Variants in THSD7B observed in about 807,000 individuals in gnomAD.
The protein encoded by THSD7B is thrombospondin type 1 domain containing 7B, also known as thrombospondin type-1 domain-containing protein 7B.
A neutral mutation model predicts 213.6 loss-of-function variants in THSD7B; 138 were observed. That is an observed-to-expected ratio of 0.65 (90% confidence interval 0.56 to 0.74). THSD7B has a LOEUF of 0.74. Ranked by LOEUF, THSD7B falls within the 30% of genes least tolerant of loss-of-function variation. The probability of loss-of-function intolerance (pLI) is 0.00; values close to 1 mark genes in which losing one functional copy is unlikely to be tolerated. For synonymous variants in THSD7B, 742 were observed against 687.0 expected (o/e 1.08, Z -1.25); for missense variants, 1,931 against 1,991.5 (o/e 0.97, Z 0.58).
At chr2:137,053,782 G>C (rs1687111103) in intron 2 of THSD7B, among the ~76,000 whole-genome samples, 1 of 151,982 alleles carries the variant, frequency 6.6e-6, no homozygotes, top group Non-Finnish European at 1.5e-5. Context: ...TAATCAAATA[G>C]AGATAAACTG....
At chr2:136,901,979 T>C (rs942547662) in intron 2 of THSD7B, among the ~76,000 whole-genome samples, 2 of 152,214 alleles carry the variant, frequency 1.3e-5, no homozygotes, top group African/African-American at 2.4e-5. Flanking sequence ...TGAAGGTATG[T>C]TGAAGCAGTG....
At chr2:136,823,666 G>A (rs1276889201) in intron 1 of THSD7B, among the ~76,000 whole-genome samples, 3 of 151,724 alleles carry the variant, frequency 2.0e-5, no homozygotes, top group Admixed American at 6.6e-5. Flanking sequence ...TTATTACTTG[G>A]GCAGCACTTT....
intron 7 of THSD7B, among the ~76,000 whole-genome samples, chr2:137,203,775 G>A (rs1680926186): frequency 6.6e-6 from 1 of 151,878 alleles, no homozygotes; most frequent in Non-Finnish European, 1.5e-5. Context: ...AGAATATTAT[G>A]CAGTGTATTT....
At chr2:137,378,377 A>G (rs1685706005) in intron 12 of THSD7B, among the ~76,000 whole-genome samples, 1 of 152,282 alleles carries the variant, frequency 6.6e-6, no homozygotes, top group South Asian at 2.1e-4. Flanking sequence ...CGTGTCCACT[A>G]TTTCTACTCA....
intron 4 of THSD7B, among the ~76,000 whole-genome samples, chr2:137,108,290 G>A (rs575563778): frequency 7.2e-4 from 109 of 152,290 alleles, no homozygotes; most frequent in Admixed American, 2.2e-3. Flanking sequence ...AAGTGATAAA[G>A]TTTAGATTTC....
intron 10 of THSD7B, among the ~76,000 whole-genome samples, chr2:137,269,167 C>A (rs542735014): frequency 3.2e-4 from 49 of 152,264 alleles, no homozygotes; most frequent in Admixed American, 3.2e-3. Context: ...ATACATTTTT[C>A]TTCGTTTATG....
intron 15 of THSD7B, among the ~76,000 whole-genome samples, chr2:137,478,318 A>T (rs1170567011): frequency 6.6e-6 from 1 of 152,180 alleles, no homozygotes; most frequent in African/African-American, 2.4e-5. Flanking sequence ...CTATCTTAAC[A>T]TTCTGAAATT....
intron 12 of THSD7B, among the ~76,000 whole-genome samples, chr2:137,340,082 G>A (rs1684726800): frequency 6.6e-6 from 1 of 151,664 alleles, no homozygotes; most frequent in Admixed American, 6.6e-5. Context: ...ATATCATTGT[G>A]ATTTATAGTC....
At chr2:137,037,623 G>A (rs1288419011) in intron 2 of THSD7B, among the ~76,000 whole-genome samples, 1 of 152,070 alleles carries the variant, frequency 6.6e-6, no homozygotes, top group African/African-American at 2.4e-5. Context: ...TGCAGAGGTG[G>A]AAATCACAGT....
chr2:137,497,810 T>C (rs1242427800), intron 15 of THSD7B, among the ~76,000 whole-genome samples: 1 of 152,200 alleles, frequency 6.6e-6, no homozygotes, highest in Non-Finnish European at 1.5e-5. Flanking sequence ...CTTCATTGGC[T>C]CACATTTTTA....
At chr2:136,887,471 G>C (rs60051617) in intron 2 of THSD7B, among the ~76,000 whole-genome samples, 3 of 152,164 alleles carry the variant, frequency 2.0e-5, no homozygotes, top group Admixed American at 2.0e-4. Flanking sequence ...TGGATCATGA[G>C]GGGGGATCCC....
chr2:137,593,887 A>C (rs1055699998), intron 17 of THSD7B, among the ~76,000 whole-genome samples: 6 of 151,950 alleles, frequency 3.9e-5, no homozygotes, highest in African/African-American at 1.4e-4. Context: ...TTCTTCTAAA[A>C]GTTCTATGAG....
intron 17 of THSD7B, among the ~76,000 whole-genome samples, chr2:137,588,693 A>G (rs1681797404): frequency 6.6e-6 from 1 of 151,912 alleles, no homozygotes; most frequent in Non-Finnish European, 1.5e-5. Context: ...TTATCACATA[A>G]TAATGTGTAT....
At chr2:137,054,397 G>C (rs1687122430) in intron 2 of THSD7B, among the ~76,000 whole-genome samples, 2 of 152,184 alleles carry the variant, frequency 1.3e-5, no homozygotes, top group Non-Finnish European at 2.9e-5. Context: ...AGGTGTATAT[G>C]GCTAGAACAG....
At chr2:137,351,575 G>C (rs1685014985) in intron 12 of THSD7B, among the ~76,000 whole-genome samples, 1 of 151,900 alleles carries the variant, frequency 6.6e-6, no homozygotes, top group African/African-American at 2.4e-5. Flanking sequence ...CAATCGATGA[G>C]TGACCCTTGA....
At chr2:137,101,990 G>A (rs547262118) in intron 4 of THSD7B, among the ~76,000 whole-genome samples, 3 of 152,346 alleles carry the variant, frequency 2.0e-5, no homozygotes, top group South Asian at 2.1e-4. Flanking sequence ...GTTCCTGCCT[G>A]CAGGCTCTGA....
chr2:137,069,565 A>G (rs901653950), intron 3 of THSD7B, among the ~76,000 whole-genome samples: 2 of 152,014 alleles, frequency 1.3e-5, no homozygotes, highest in Non-Finnish European at 1.5e-5. Flanking sequence ...AGAACACTTT[A>G]GTTAAATGAA....
intron 3 of THSD7B, among the ~76,000 whole-genome samples, chr2:137,078,574 G>A (rs75986287): frequency 6.6e-6 from 1 of 151,758 alleles, no homozygotes; most frequent in African/African-American, 2.4e-5. Context: ...TGTTAATTTT[G>A]TCTACTATTT....
intron 3 of THSD7B, among the ~76,000 whole-genome samples, 159 bp from the exon 4 acceptor site, chr2:137,094,714 T>G (rs766413125): frequency 2.0e-5 from 3 of 152,222 alleles, no homozygotes; most frequent in Non-Finnish European, 4.4e-5. Flanking sequence ...TGTTACACTC[T>G]TCAATATTTT....
Sources: gnomAD v4.1 joint callset for allele counts (sites outside exome capture counted in the v4.1 genomes callset) on GRCh38, gnomAD v4.1.1 for gene constraint, MANE v1.5 for transcripts, NCBI Gene and HGNC (gene_info 2026-07-23, HGNC 2026-07-21) for gene names.